Variants in RSF1 observed in about 807,000 individuals in gnomAD.
RSF1 encodes remodeling and spacing factor 1.
RSF1 carries 13 observed loss-of-function variants against 145.2 expected under a neutral mutation model. The ratio of observed to expected loss-of-function variants is 0.09; its 90% CI spans 0.06 to 0.14. The LOEUF (loss-of-function observed/expected upper bound fraction) is 0.14, where lower values mean the gene tolerates loss of function less well. Among genes scored for constraint, RSF1 ranks in the 10% least tolerant of loss-of-function variants. RSF1 has a pLI of 1.00. For synonymous variants in RSF1, 577 were observed against 592.6 expected (o/e 0.97, Z 0.38); for missense variants, 1,517 against 1,718.2 (o/e 0.88, Z 2.07).
chr11:77,669,387 T>C (rs1007898617), intron 15 of RSF1, among the ~76,000 whole-genome samples: 4 of 152,176 alleles, frequency 2.6e-5, no homozygotes, highest in African/African-American at 9.7e-5. Context: ...AAATGTGGGA[T>C]GGTTTGCTTT....
chr11:77,796,748 A>G (rs1184644310), intron 1 of RSF1, among the ~76,000 whole-genome samples: 3 of 152,242 alleles, frequency 2.0e-5, no homozygotes, highest in Non-Finnish European at 4.4e-5. Flanking sequence ...ATGATTATAC[A>G]TTTAGAAAAT....
chr11:77,817,523 A>C (rs1207606565), intron 1 of RSF1, among the ~76,000 whole-genome samples: 10 of 152,194 alleles, frequency 6.6e-5, no homozygotes. Context: ...ATCCTACTTG[A>C]AAATTTAAAC....
At chr11:77,823,071 G>T (rs967354449), upstream of RSF1, among the ~76,000 whole-genome samples, 5 of 151,910 alleles carry the variant, frequency 3.3e-5, no homozygotes, top group African/African-American at 1.2e-4. Context: ...AAAATTAGCC[G>T]GGCGTGGTGG....
chr11:77,788,485 G>C (rs1259121407), intron 1 of RSF1, among the ~76,000 whole-genome samples: 1 of 110,178 alleles, frequency 9.1e-6, no homozygotes, highest in Admixed American at 1.1e-4. Flanking sequence ...ATAAAAGGTA[G>C]AGAAGACAGG....
intron 4 of RSF1, among the ~76,000 whole-genome samples, chr11:77,733,904 G>A (rs755203539): frequency 9.9e-5 from 15 of 152,006 alleles, no homozygotes; most frequent in Non-Finnish European, 2.1e-4. Flanking sequence ...CATACCCCAT[G>A]GAGTGAATAA....
rs1336783327 is a variant in RSF1 at position 77,701,638 on chromosome 11, C to T, written c.1591G>A (p.Glu531Lys). The change falls in exon 6 of 16, where the codon GAA becomes AAA. Residue 531 changes from glutamate to lysine, a missense_variant. Around this residue, in one of 12 missense-constraint regions of RSF1, gnomAD observed 579 missense variants for 553.5 expected, o/e 1.05. Coordinates refer to ENST00000308488, the MANE Select transcript of RSF1 (RefSeq NM_016578.4). ...GTTTCCATTTCTGGAGGATCGGGTT[C>T]CTCTATTTGTGCTTTTTGACTATGG... ...EIHSQKAQIE[E>K]PDPPEMETSL... The T allele has an allele frequency of 6.2e-7, 1 of 1,613,984 alleles. No homozygotes were observed. Among genetic ancestry groups the T allele is most frequent in the Non-Finnish European group, 8.5e-7 (1 of 1,179,992 alleles).
rs1268238496 is a variant in RSF1, at chr11:77,805,590, A to G, written c.187+14938T>C. Among the ~76,000 whole-genome samples the G allele has an allele frequency of 2.0e-5, 3 of 152,204 alleles. No individual in the cohort carries two copies. In the East Asian group the frequency reaches 5.8e-4, roughly 29 times the overall value. On this transcript the variant is annotated intron_variant, in intron 1 of 15. Transcript: ENST00000308488. The stretch of plus-strand genomic sequence containing the variant: ...AAGTACATAAATAAGGCACTCTAAA[A>G]AAATTCTTCTTAAAAGCATAAATGT...
At chr11:77,741,907 CTT>C (rs977989974) in intron 3 of RSF1, among the ~76,000 whole-genome samples, 3 of 152,152 alleles carry the variant, frequency 2.0e-5, no homozygotes, top group African/African-American at 4.8e-5. Context: ...GAGTCTGACT[CTT>C]TTAGATTCCA....
At chr11:77,768,161 C>CTT (rs758401653) in intron 1 of RSF1, among the ~76,000 whole-genome samples, 3,780 of 122,752 alleles carry the variant, frequency 0.031, 372 homozygotes, top group African/African-American at 0.11. Context: ...ATATTATCAG[C>CTT]TTTTTTTTTT....
In RSF1 at chr11:77,667,024, T is replaced by C. The variant is rs375369740; in HGVS notation, c.4219A>G (p.Asn1407Asp). 25 of 1,613,590 alleles carry C rather than the reference T, an allele frequency of 1.5e-5. No homozygotes were observed. Among genetic ancestry groups the C allele is most frequent in the Non-Finnish European group, 2.0e-5 (24 of 1,179,518 alleles). The change falls in exon 16 of 16, where the codon AAT (asparagine) becomes GAT (aspartate). Residue 1407 changes from asparagine (N) to aspartate (D), a missense_variant. Physicochemically the swap from Asn to Asp is conservative, Grantham distance 23. Transcript: ENST00000308488. The stretch of plus-strand genomic sequence containing the variant: ...GCCTCCTGCCCACCACTTGTCCCAT[T>C]GGAGGCTAGGCTTGCACTGGCTGTG... Reference protein sequence around the residue: ...NSTASASLASNGTSGGQEAGA... With the variant: ...NSTASASLASDGTSGGQEAGA...
Position 77,740,806 on chromosome 11 carries a change from T to C in RSF1, c.503A>G (p.Asp168Gly). The C allele has an allele frequency of 1.2e-6, 2 of 1,614,150 alleles. No individual in the cohort carries two copies. Among genetic ancestry groups the C allele is most frequent in the Non-Finnish European group, 1.7e-6 (2 of 1,179,990 alleles). Residue 168 changes from aspartate to glycine, a missense_variant, in exon 4 of 16, where the codon GAT (aspartate) becomes GGT (glycine). Around this residue, in one of 12 missense-constraint regions of RSF1, gnomAD observed 94 missense variants for 143.6 expected, o/e 0.65. Transcript: ENST00000308488. ...KDGLMYWYQLDQDHNVRMYIE... is the reference protein window; with the variant it reads ...KDGLMYWYQLGQDHNVRMYIE... ...GTACATTCTGACATTGTGATCTTGA[T>C]CCAATTGGTACCAGTACATGAGGCC...
intron 15 of RSF1, among the ~76,000 whole-genome samples, chr11:77,668,065 T>C (rs1959417927): frequency 6.6e-6 from 1 of 151,996 alleles, no homozygotes; most frequent in Admixed American, 6.6e-5. Context: ...TGGCGCAAAC[T>C]AGGCTCACTG....
intron 1 of RSF1, among the ~76,000 whole-genome samples, chr11:77,775,938 A>G (rs922285785): frequency 2.0e-5 from 3 of 152,110 alleles, no homozygotes; most frequent in Non-Finnish European, 4.4e-5. Flanking sequence ...ATGCTTGACT[A>G]ATTTTTAAAT....
intron 1 of RSF1, among the ~76,000 whole-genome samples, chr11:77,810,187 T>C (rs150024264): frequency 1.2e-4 from 18 of 152,310 alleles, no homozygotes; most frequent in Non-Finnish European, 2.6e-4. Context: ...GGCATCACCA[T>C]TCATCCAACC....
At chr11:77,836,691 C>T in the RSF1 span, among the ~76,000 whole-genome samples, 576 of 152,332 alleles carry the variant, frequency 3.8e-3, 24 homozygotes, top group East Asian at 0.098. Context: ...TGTGGCCGGG[C>T]GCAGCGGCTT....
chr11:77,842,250 T>C, the RSF1 span, among the ~76,000 whole-genome samples: 216 of 152,322 alleles, frequency 1.4e-3, no homozygotes, highest in African/African-American at 4.6e-3. Flanking sequence ...ATCCTAAGGA[T>C]TCCCTCTGGA....
upstream of RSF1, chr11:77,820,849 A>T: frequency 3.3e-6 from 3 of 897,318 alleles, no homozygotes; most frequent in Non-Finnish European, 4.9e-6. Flanking sequence ...CGTCTCAGGG[A>T]CGGCTCCGCG....
chr11:77,778,200 AGGG>A (rs1948365777), intron 1 of RSF1, among the ~76,000 whole-genome samples: 11 of 10,114 alleles, frequency 1.1e-3, no homozygotes, highest in South Asian at 6.0e-3. Context: ...GGGGGAGGGA[AGGG>A]GAGAGGATGG....
At chr11:77,698,459 G>A (rs370507726) in intron 7 of RSF1, 28 bp downstream of exon 7, 2 of 1,595,104 alleles carry the variant, frequency 1.3e-6, no homozygotes, top group Non-Finnish European at 1.7e-6. Context: ...TGTAATATGA[G>A]TATTCTTCAT....
Sources: gnomAD v4.1 joint callset for allele counts (sites outside exome capture counted in the v4.1 genomes callset) on GRCh38, gnomAD v4.1.1 for gene constraint, gnomAD v4.1.1 regional missense constraint, MANE v1.5 for transcripts, NCBI Gene and HGNC (gene_info 2026-07-23, HGNC 2026-07-21) for gene names.